ABHD18: variants seen among roughly 807,000 people sequenced by gnomAD.
ABHD18 encodes the protein cardiolipin-specific deacylase, mitochondrial.
A neutral mutation model predicts 65.9 loss-of-function variants in ABHD18; 55 were observed. The observed-to-expected ratio is 0.84, with a 90% CI of 0.67 to 1.05. The LOEUF (loss-of-function observed/expected upper bound fraction) is 1.05, where lower values mean the gene tolerates loss of function less well. Ranked by LOEUF, ABHD18 falls within the 50% of genes least tolerant of loss-of-function variation. ABHD18 has a pLI of 0.00. For synonymous variants in ABHD18, 181 were observed against 180.2 expected (o/e 1.00, Z -0.04); for missense variants, 533 against 558.5 (o/e 0.95, Z 0.46).
intron 4 of ABHD18, among the ~76,000 whole-genome samples, chr4:127,991,879 AGT>A (rs1192749713): frequency 1.3e-5 from 2 of 152,232 alleles, no homozygotes; most frequent in African/African-American, 4.8e-5. Context: ...GAATCTATAA[AGT>A]GTGAACTAAC....
intron 12 of ABHD18, among the ~76,000 whole-genome samples, chr4:128,034,767 C>T (rs1041498886): frequency 1.2e-4 from 18 of 152,070 alleles, no homozygotes; most frequent in Non-Finnish European, 1.8e-4. Context: ...TCTCCTGCCT[C>T]AGCCTCCCGA....
At chr4:127,966,777 C>A (rs1279692562) in intron 1 of ABHD18, among the ~76,000 whole-genome samples, 1 of 134,092 alleles carries the variant, frequency 7.5e-6, no homozygotes, top group Non-Finnish European at 1.6e-5. Context: ...CCCAGCTACT[C>A]GGGAGGCTGA....
intron 3 of ABHD18, among the ~76,000 whole-genome samples, chr4:127,986,466 T>C (rs538521958): frequency 6.6e-6 from 1 of 152,346 alleles, no homozygotes; most frequent in East Asian, 1.9e-4. Flanking sequence ...CATTCATAAA[T>C]TGATGGACAT....
intron 4 of ABHD18, among the ~76,000 whole-genome samples, chr4:127,993,219 T>A (rs1211663489): frequency 6.6e-6 from 1 of 152,220 alleles, no homozygotes; most frequent in East Asian, 1.9e-4. Flanking sequence ...TCATAGATTC[T>A]CCACCTTATC....
chr4:127,973,143 A>G (rs1747178319), intron 1 of ABHD18, among the ~76,000 whole-genome samples: 1 of 152,004 alleles, frequency 6.6e-6, no homozygotes. Flanking sequence ...CCTCCCGAGT[A>G]GGTGGGACTA....
At chr4:127,978,451 A>G (rs1748388304) in intron 1 of ABHD18, among the ~76,000 whole-genome samples, 1 of 152,140 alleles carries the variant, frequency 6.6e-6, no homozygotes, top group African/African-American at 2.4e-5. Context: ...GATGAGATGG[A>G]TTGGTTGATT....
At chr4:127,996,931 T>A (rs966790270) in intron 4 of ABHD18, among the ~76,000 whole-genome samples, 1 of 152,226 alleles carries the variant, frequency 6.6e-6, no homozygotes, top group Non-Finnish European at 1.5e-5. Context: ...TGTTCTGTTC[T>A]TTTTCAGGGT....
At chr4:128,025,941 A>C (rs1303425306) in intron 10 of ABHD18, among the ~76,000 whole-genome samples, 4 of 152,092 alleles carry the variant, frequency 2.6e-5, no homozygotes, top group African/African-American at 4.8e-5. Flanking sequence ...GCAGATCATG[A>C]GGTCAGATTG....
intron 1 of ABHD18, among the ~76,000 whole-genome samples, chr4:127,982,417 G>C (rs373423615): frequency 1.2e-4 from 19 of 152,274 alleles, no homozygotes; most frequent in Middle Eastern, 3.4e-3. Context: ...GGAGTGTAGT[G>C]TGGTAGTTAG....
chr4:127,997,431 A>G (rs1020783650), intron 4 of ABHD18, among the ~76,000 whole-genome samples: 11 of 152,238 alleles, frequency 7.2e-5, no homozygotes, highest in African/African-American at 2.2e-4. Flanking sequence ...AAGGAAAAAA[A>G]GTAACAACAA....
chr4:128,033,617 C>T (rs1044802374), intron 12 of ABHD18, among the ~76,000 whole-genome samples: 1 of 148,700 alleles, frequency 6.7e-6, no homozygotes, highest in African/African-American at 2.5e-5. Flanking sequence ...CTCACTGCAA[C>T]CTCCACCTCC....
intron 1 of ABHD18, among the ~76,000 whole-genome samples, chr4:127,967,937 A>C (rs2149029167): frequency 6.6e-6 from 1 of 152,228 alleles, no homozygotes; most frequent in Non-Finnish European, 1.5e-5. Context: ...CTTTCAAACA[A>C]ACAGCCGGGC....
At chr4:127,992,653 C>T (rs912814731) in intron 4 of ABHD18, among the ~76,000 whole-genome samples, 6 of 152,166 alleles carry the variant, frequency 3.9e-5, no homozygotes, top group Admixed American at 2.6e-4. Flanking sequence ...ATCCTCTCAC[C>T]TCAGCCTCCT....
intron 1 of ABHD18, among the ~76,000 whole-genome samples, chr4:127,975,415 G>A (rs1349502199): frequency 6.6e-6 from 1 of 152,034 alleles, no homozygotes; most frequent in Non-Finnish European, 1.5e-5. Flanking sequence ...TTGTCTTTTT[G>A]TGGCTGACTA....
Position 128,037,912 on chromosome 4 carries a change from TAAA to T in ABHD18, c.*2103_*2105del, listed in dbSNP as rs915711106. The T allele has an allele frequency of 6.6e-6, 1 of 151,790 alleles. No individual in the cohort carries two copies. The highest frequency in any genetic ancestry group is 1.5e-5 in the Non-Finnish European group (1 of 68,004). 9.4% of individuals were successfully genotyped at this position (151,790 alleles called of 1,614,324 possible). The stretch of plus-strand genomic sequence containing the variant: ...CTTCTCTAGCTGTCAGCTAAAATGT[TAAA>T]AAAGTCGAAAATATTTTAGGGTATT... On this transcript the variant is annotated 3_prime_UTR_variant, in exon 13 of 13. Coordinates refer to ENST00000645843, the MANE Select transcript of ABHD18 (RefSeq NM_001358451.3).
At chr4:127,989,875 TATA>T (rs1750635332) in intron 4 of ABHD18, 54 bp downstream of exon 4, 1 of 1,118,604 alleles carries the variant, frequency 8.9e-7, no homozygotes. Flanking sequence ...TCATTAAAAT[TATA>T]ATATCAACAC....
intron 10 of ABHD18, among the ~76,000 whole-genome samples, chr4:128,026,759 T>C (rs1187886184): frequency 6.6e-6 from 1 of 151,992 alleles, no homozygotes; most frequent in African/African-American, 2.4e-5. Flanking sequence ...AAGATTGTAA[T>C]ACCATATTTT....
At chr4:128,005,798 C>T (rs1753498222) in intron 4 of ABHD18, among the ~76,000 whole-genome samples, 2 of 152,068 alleles carry the variant, frequency 1.3e-5, no homozygotes, top group African/African-American at 4.8e-5. Flanking sequence ...AATGGGAAGC[C>T]ATGAAGATCC....
intron 8 of ABHD18, among the ~76,000 whole-genome samples, chr4:128,019,810 T>A (rs1756167214): frequency 6.6e-6 from 1 of 152,176 alleles, no homozygotes; most frequent in Non-Finnish European, 1.5e-5. Context: ...GCATCTTTGC[T>A]CCATATTTAC....
Sources: gnomAD v4.1 joint callset for allele counts (sites outside exome capture counted in the v4.1 genomes callset) on GRCh38, gnomAD v4.1.1 for gene constraint, MANE v1.5 for transcripts, NCBI Gene and HGNC (gene_info 2026-07-23, HGNC 2026-07-21) for gene names.